PPM1H: variants seen among roughly 807,000 people sequenced by gnomAD.
The protein encoded by PPM1H is protein phosphatase 1H.
A neutral mutation model predicts 54.9 loss-of-function variants in PPM1H; 27 were observed. The observed-to-expected ratio is 0.49, with a 90% confidence interval of 0.36 to 0.68. The LOEUF is 0.68. Ranked by LOEUF, PPM1H falls within the 30% of genes least tolerant of loss-of-function variation. PPM1H has a pLI of 0.00. For synonymous variants in PPM1H, 305 were observed against 270.8 expected, an observed-to-expected ratio of 1.13 and a Z score of -1.24; for missense variants, 596 against 667.8, an observed-to-expected ratio of 0.89 and a Z score of 1.19.
intron 3 of PPM1H, among the ~76,000 whole-genome samples, chr12:62,798,581 G>A (rs1274663910): frequency 1.3e-5 from 2 of 151,782 alleles, no homozygotes; most frequent in Non-Finnish European, 2.9e-5. Flanking sequence ...GAGGAAGCTA[G>A]GGCATGGGGG....
intron 2 of PPM1H, among the ~76,000 whole-genome samples, chr12:62,828,682 A>C (rs983897732): frequency 6.6e-6 from 1 of 152,222 alleles, no homozygotes; most frequent in Non-Finnish European, 1.5e-5. Flanking sequence ...AGTACATAGC[A>C]GGTGCTCAGT....
At chr12:62,764,678 G>A (rs2076530807) in intron 4 of PPM1H, among the ~76,000 whole-genome samples, 1 of 152,146 alleles carries the variant, frequency 6.6e-6, no homozygotes, top group Non-Finnish European at 1.5e-5. Context: ...ACTGGGCTCA[G>A]ATGGGGAAGC....
intron 2 of PPM1H, among the ~76,000 whole-genome samples, chr12:62,817,136 AGAAAAAAAAAAAAACTAAAAAAAAG>A (rs2076872323): frequency 9.7e-6 from 1 of 102,978 alleles, no homozygotes; most frequent in East Asian, 2.5e-4. Context: ...AAAAAAAAAA[AGAAAAAAAAAAAAACTAAAAAAAAG>A]AAAAAAAAAA....
At chr12:62,831,611 C>A (rs906604666) in intron 2 of PPM1H, among the ~76,000 whole-genome samples, 1 of 151,670 alleles carries the variant, frequency 6.6e-6, no homozygotes, top group African/African-American at 2.4e-5. Flanking sequence ...AAAGCAACAG[C>A]CAGAGTTACT....
Position 62,882,742 on chromosome 12 carries a change from T to C in PPM1H, c.246-50463A>G, listed in dbSNP as rs1870440497. 2.6e-5 allele frequency among the ~76,000 whole-genome samples: 4 copies of C among 152,376 alleles called. No individual in the cohort carries two copies. The South Asian group carries it at 6.2e-4, about 24-fold the overall frequency. On this transcript the variant is annotated intron_variant, in intron 1 of 9. Coordinates refer to ENST00000228705, the MANE Select transcript of PPM1H (RefSeq NM_020700.2). ...TCTGTGCTTTCTGGTATTTTTATAATAGAAATATTGCTTTATTTCAGAAAT... is the reference window on the plus strand; with the variant it reads ...TCTGTGCTTTCTGGTATTTTTATAACAGAAATATTGCTTTATTTCAGAAAT...
chr12:62,714,078 A>T (rs1424108342), intron 6 of PPM1H, among the ~76,000 whole-genome samples: 1 of 152,176 alleles, frequency 6.6e-6, no homozygotes, highest in African/African-American at 2.4e-5. Flanking sequence ...ACGCTCTTCT[A>T]CTATGTAGAC....
intron 3 of PPM1H, among the ~76,000 whole-genome samples, chr12:62,800,533 T>G (rs2076761546): frequency 6.6e-6 from 1 of 152,014 alleles, no homozygotes; most frequent in Non-Finnish European, 1.5e-5. Context: ...GAGACGGGGT[T>G]GCACCTTATT....
intron 7 of PPM1H, among the ~76,000 whole-genome samples, chr12:62,692,745 A>G (rs964365321): frequency 6.6e-6 from 1 of 152,172 alleles, no homozygotes; most frequent in Non-Finnish European, 1.5e-5. Context: ...TCTTAACCAG[A>G]GACTGTGATC....
At chr12:62,888,907 A>T (rs1210518346) in intron 1 of PPM1H, among the ~76,000 whole-genome samples, 3 of 152,204 alleles carry the variant, frequency 2.0e-5, no homozygotes, top group Non-Finnish European at 4.4e-5. Context: ...CTCCAGAGAG[A>T]TTCCAGAGCT....
chr12:62,778,775 A>C (rs1158431065), intron 4 of PPM1H, among the ~76,000 whole-genome samples: 3 of 152,080 alleles, frequency 2.0e-5, no homozygotes, highest in African/African-American at 7.2e-5. Context: ...TCTACAAAAA[A>C]TAAAAATTAG....
intron 4 of PPM1H, among the ~76,000 whole-genome samples, chr12:62,775,292 C>G (rs1221088456): frequency 6.6e-6 from 1 of 152,162 alleles, no homozygotes; most frequent in African/African-American, 2.4e-5. Context: ...AGCCTCAGAC[C>G]GAGTTCAGGG....
At chr12:62,867,775 G>A (rs1020491548) in intron 1 of PPM1H, among the ~76,000 whole-genome samples, 26 of 151,432 alleles carry the variant, frequency 1.7e-4, no homozygotes, top group East Asian at 3.9e-4. Context: ...TAGTAGAAAC[G>A]GGGTTTCACC....
At chr12:62,759,998 TC>T (rs1466306303) in intron 4 of PPM1H, among the ~76,000 whole-genome samples, 2 of 152,120 alleles carry the variant, frequency 1.3e-5, no homozygotes, top group Non-Finnish European at 2.9e-5. Context: ...TGGGCAACCT[TC>T]CACCCTCCAT....
At chr12:62,795,037 A>G (rs1182845982) in intron 3 of PPM1H, among the ~76,000 whole-genome samples, 2 of 152,156 alleles carry the variant, frequency 1.3e-5, no homozygotes, top group Non-Finnish European at 2.9e-5. Flanking sequence ...GTAGGGGCAC[A>G]CCTACCTCTG....
intron 1 of PPM1H, among the ~76,000 whole-genome samples, chr12:62,912,323 G>T (rs1871485212): frequency 6.6e-6 from 1 of 152,148 alleles, no homozygotes; most frequent in Non-Finnish European, 1.5e-5. Context: ...GATAAAACTT[G>T]CGGGCTACAT....
intron 4 of PPM1H, among the ~76,000 whole-genome samples, chr12:62,747,156 G>C (rs2076417295): frequency 6.8e-6 from 1 of 147,586 alleles, no homozygotes; most frequent in Non-Finnish European, 1.5e-5. Context: ...TTTTTTTTGA[G>C]ACGGAGTTTT....
chr12:62,673,713 C>CTTTTTTTTTTTTTTTTTTTTTTTTTT (rs1192243731), intron 8 of PPM1H, among the ~76,000 whole-genome samples: 1 of 47,570 alleles, frequency 2.1e-5, no homozygotes, highest in Non-Finnish European at 4.5e-5. Flanking sequence ...AGAAGAGCCA[C>CTTTTTTTTTTTTTTTTTTTTTTTTTT]TCTTTTTTTT....
At chr12:62,754,301 G>A (rs2076457948) in intron 4 of PPM1H, among the ~76,000 whole-genome samples, 1 of 152,146 alleles carries the variant, frequency 6.6e-6, no homozygotes, top group Non-Finnish European at 1.5e-5. Flanking sequence ...AGTAGGCTGA[G>A]GACAGTGTAA....
intron 4 of PPM1H, among the ~76,000 whole-genome samples, chr12:62,746,771 C>T (rs193047913): frequency 5.9e-5 from 9 of 152,326 alleles, no homozygotes; most frequent in East Asian, 3.9e-4. Context: ...TCTCCCTTCA[C>T]GGAGCCCCAA....
Sources: gnomAD v4.1 joint callset for allele counts (sites outside exome capture counted in the v4.1 genomes callset) on GRCh38, gnomAD v4.1.1 for gene constraint, MANE v1.5 for transcripts, NCBI Gene and HGNC (gene_info 2026-07-23, HGNC 2026-07-21) for gene names.